The following ZC3HAV1 variants were observed in gnomAD, a reference collection of about 807,000 sequenced individuals.
ZC3HAV1 encodes the protein zinc finger CCCH-type antiviral protein 1.
In ZC3HAV1, 41 loss-of-function variants were observed where a neutral mutation model predicts 86.6. The observed-to-expected ratio is 0.47, with a 90% CI of 0.37 to 0.61. The LOEUF is 0.61. Among genes scored for constraint, ZC3HAV1 ranks in the 20% least tolerant of loss-of-function variants. ZC3HAV1 has a pLI of 0.00. For missense variants in ZC3HAV1, 964 were observed against 1,141.1 expected, an observed-to-expected ratio of 0.84 and a Z score of 2.24; for synonymous variants, 421 against 432.1, an observed-to-expected ratio of 0.97 and a Z score of 0.32.
intron 7 of ZC3HAV1, among the ~76,000 whole-genome samples, chr7:139,067,285 G>A (rs1294051851): frequency 6.6e-6 from 1 of 152,018 alleles, no homozygotes; most frequent in African/African-American, 2.4e-5. Flanking sequence ...GAGTAGCTGG[G>A]ATTACAGGTG....
intron 7 of ZC3HAV1, among the ~76,000 whole-genome samples, chr7:139,068,033 ATTAT>A (rs1420975040): frequency 1.2e-5 from 1 of 80,780 alleles, no homozygotes; most frequent in Non-Finnish European, 2.3e-5. Flanking sequence ...CTTTATTATT[ATTAT>A]TATTATTATT....
intron 7 of ZC3HAV1, among the ~76,000 whole-genome samples, chr7:139,072,387 T>C (rs916676484): frequency 2.6e-5 from 4 of 152,140 alleles, no homozygotes; most frequent in Non-Finnish European, 5.9e-5. Flanking sequence ...GGTTTCACCA[T>C]GTTGGCCGGG....
At chr7:139,051,074 C>CTTT (rs1160868156) in intron 12 of ZC3HAV1, among the ~76,000 whole-genome samples, 2 of 143,420 alleles carry the variant, frequency 1.4e-5, no homozygotes, top group African/African-American at 2.5e-5. Context: ...TTTCTTTTTT[C>CTTT]TTTTTTTTTT....
At chr7:139,097,504 G>A (rs891068755) in intron 1 of ZC3HAV1, among the ~76,000 whole-genome samples, 3 of 143,350 alleles carry the variant, frequency 2.1e-5, no homozygotes, top group Non-Finnish European at 4.5e-5. Flanking sequence ...GCGCGATCTC[G>A]GCTTATTGCA....
chr7:139,067,403 G>C (rs1437359614), intron 7 of ZC3HAV1, among the ~76,000 whole-genome samples: 1 of 152,080 alleles, frequency 6.6e-6, no homozygotes, highest in Non-Finnish European at 1.5e-5. Context: ...CGCCTGCCTT[G>C]GCCTCCCAAA....
At chr7:139,083,251 G>C (rs898953345) in intron 3 of ZC3HAV1, among the ~76,000 whole-genome samples, 1 of 145,658 alleles carries the variant, frequency 6.9e-6, no homozygotes, top group African/African-American at 2.5e-5. Context: ...AACCTGGGGG[G>C]GGGGGCAATA....
intron 1 of ZC3HAV1, among the ~76,000 whole-genome samples, chr7:139,093,133 G>A (rs1275243201): frequency 6.6e-6 from 1 of 151,956 alleles, no homozygotes; most frequent in African/African-American, 2.4e-5. Flanking sequence ...TCCTACTTTG[G>A]GAAACTGATG....
chr7:139,047,609 G>A lies in ZC3HAV1; in HGVS notation c.2694C>T (p.Ala898=), dbSNP rs752282168. ...TTCATCGGTTCTAACTAATCACGCA[G>A]GCTTTGTCTTCAGTATATTCAATCA... The part of the protein sequence containing the change: ...QYVIEYTEDK[A]CVIS The change falls in exon 13 of 13, where the codon GCC becomes GCT. Residue 898 remains alanine (A), a synonymous_variant. Transcript: ENST00000242351. 1.2e-6 allele frequency: 2 copies of A among 1,613,930 alleles called. No homozygotes were observed. The highest frequency in any genetic ancestry group is 1.7e-6 in the Non-Finnish European group (2 of 1,180,004).
At chr7:139,052,621 A>C (rs922837636) in intron 12 of ZC3HAV1, among the ~76,000 whole-genome samples, 18 of 150,016 alleles carry the variant, frequency 1.2e-4, no homozygotes, top group African/African-American at 4.2e-4. Context: ...AAAAAAAAAA[A>C]AAAAAAAAGA....
At chr7:139,077,824 G>A (rs1006811888) in intron 5 of ZC3HAV1, among the ~76,000 whole-genome samples, 1 of 147,380 alleles carries the variant, frequency 6.8e-6, no homozygotes, top group Non-Finnish European at 1.5e-5. Flanking sequence ...AAACAAAAAA[G>A]ACAGGTTTAG....
chr7:139,099,782 C>T lies in ZC3HAV1; in HGVS notation c.308+9242G>A, dbSNP rs184776484. Among the ~76,000 whole-genome samples, 212 of 152,200 alleles carry T rather than the reference C, an allele frequency of 1.4e-3. 1 individual carries two copies. Among genetic ancestry groups the T allele is most frequent in the Non-Finnish European group, 2.6e-3 (176 of 67,996 alleles). On this transcript the variant is annotated intron_variant, in intron 1 of 12. Transcript: ENST00000242351. ...TCTCTACTAAAAATACAAAAATTAG[C>T]CAGGCATGGTGGCGCGTGCCTGTAA... is the stretch of plus-strand genomic sequence containing the variant.
intron 8 of ZC3HAV1, 149 bp downstream of exon 8, chr7:139,064,730 T>A: frequency 7.6e-7 from 1 of 1,320,152 alleles, no homozygotes; most frequent in Non-Finnish European, 1.0e-6. Context: ...ACAGGTCTTC[T>A]GATGGCCACT....
intron 1 of ZC3HAV1, among the ~76,000 whole-genome samples, chr7:139,097,183 T>TA (rs1421642390): frequency 6.7e-6 from 1 of 150,054 alleles, no homozygotes; most frequent in Non-Finnish European, 1.5e-5. Flanking sequence ...AAGAAAATTT[T>TA]AAAAATAAAT....
chr7:139,078,014 G>A (rs928125744), intron 5 of ZC3HAV1, among the ~76,000 whole-genome samples: 3 of 152,162 alleles, frequency 2.0e-5, no homozygotes, highest in African/African-American at 4.8e-5. Flanking sequence ...CGAGGCGGGT[G>A]GATCACTTGA....
rs544733298 is a variant in ZC3HAV1, at chr7:139,097,144, T to A, written c.309-7385A>T. Among the ~76,000 whole-genome samples the A allele has an allele frequency of 1.8e-4, 27 of 149,870 alleles. 1 individual carries two copies. The East Asian group carries it at 2.3e-3, about 13-fold the overall frequency. ...GAGAGGGAGGCTCTGTCTAAAAAAA[T>A]AATAATAATAAAAATAAAAAATAAA... On this transcript the variant is annotated intron_variant, in intron 1 of 12. Transcript: ENST00000242351.
In ZC3HAV1 at chr7:139,090,156, G is replaced by A. The variant is rs998321867; in HGVS notation, c.309-397C>T. On this transcript the variant is annotated intron_variant, in intron 1 of 12. Coordinates refer to ENST00000242351, the MANE Select transcript of ZC3HAV1 (RefSeq NM_020119.4). ...GGCTGGTCTTGAACTCCTGACCTCA[G>A]GTGATCCATCCGCCTCAGCCTCCTA... 5.3e-5 allele frequency among the ~76,000 whole-genome samples: 8 copies of A among 152,148 alleles called. 1 individual carries two copies. The highest frequency in any genetic ancestry group is 1.9e-4 in the East Asian group (1 of 5,170).
At position 139,052,203 on chromosome 7, in the gene ZC3HAV1, T is replaced by C. The variant is rs1816143161; in HGVS notation, c.2449+1248A>G. 2.0e-5 allele frequency among the ~76,000 whole-genome samples: 3 copies of C among 151,876 alleles called. No individual in the cohort carries two copies. The South Asian group carries it at 6.3e-4, about 32-fold the overall frequency. On this transcript the variant is annotated intron_variant, in intron 12 of 12. Coordinates refer to ENST00000242351, the MANE Select transcript of ZC3HAV1 (RefSeq NM_020119.4). ...TGCAGGTTTGTTACATATGTGTACC[T>C]GCGCCATGTTGGTGTGCTGCACCCA...
intron 2 of ZC3HAV1, among the ~76,000 whole-genome samples, chr7:139,088,776 G>A (rs1223646658): frequency 2.0e-5 from 3 of 152,168 alleles, no homozygotes; most frequent in Non-Finnish European, 4.4e-5. Flanking sequence ...AGCCATAAAC[G>A]AATAGGTGTG....
At position 139,078,618 on chromosome 7, in the gene ZC3HAV1, T is replaced by C; in HGVS notation, c.1507A>G (p.Arg503Gly). The change falls in exon 5 of 13, where the codon AGG becomes GGG. Residue 503 changes from arginine (R) to glycine (G), a missense_variant. Physicochemically the swap from Arg to Gly is moderately radical, Grantham distance 125 (BLOSUM62 -2). Coordinates refer to ENST00000242351, the MANE Select transcript of ZC3HAV1 (RefSeq NM_020119.4). ...TCCTCTGAGTCATGATCATCCACCC[T>C]AGAAGATGTGGTACTTGTGACATCA... ...LSDVTSTTSS[R>G]VDDHDSEEIC... is the part of the protein sequence containing the mutation. 6.3e-7 allele frequency: 1 copy of C among 1,589,468 alleles called. No homozygotes were observed. Among genetic ancestry groups the C allele is most frequent in the Non-Finnish European group, 8.5e-7 (1 of 1,173,612 alleles).
Sources: gnomAD v4.1 joint callset for allele counts (sites outside exome capture counted in the v4.1 genomes callset) on GRCh38, gnomAD v4.1.1 for gene constraint, MANE v1.5 for transcripts, NCBI Gene and HGNC (gene_info 2026-07-23, HGNC 2026-07-21) for gene names.